DHX32: variants seen among roughly 807,000 people sequenced by gnomAD.
DHX32 encodes DEAH-box helicase 32 (putative), also known as putative pre-mRNA-splicing factor ATP-dependent RNA helicase DHX32.
Under a neutral mutation model 70.0 loss-of-function variants are expected in DHX32, and 51 were observed. The observed-to-expected ratio is 0.73, with a 90% CI of 0.58 to 0.92. The LOEUF (loss-of-function observed/expected upper bound fraction) is 0.92. Among genes scored for constraint, DHX32 ranks in the 40% least tolerant of loss-of-function variants. DHX32 has a pLI of 0.00. For synonymous variants in DHX32, 310 were observed against 315.3 expected (o/e 0.98, Z 0.18); for missense variants, 762 against 891.8 (o/e 0.85, Z 1.85).
chr10:125,884,789 GT>G (rs141526130), upstream of DHX32, among the ~76,000 whole-genome samples: 83 of 147,688 alleles, frequency 5.6e-4, 2 homozygotes, highest in South Asian at 1.9e-3. Context: ...TCTTTTGTGT[GT>G]TTTTTTTTTC....
rs1360270470 is a variant in DHX32 at position 125,841,775 on chromosome 10, T to C, written c.1511A>G (p.Asp504Gly). The C allele has an allele frequency of 4.3e-6, 7 of 1,612,578 alleles. No individual in the cohort carries two copies. The highest frequency in any genetic ancestry group is 1.3e-5 in the African/African-American group (1 of 74,854). Residue 504 changes from aspartate (D) to glycine (G), a missense_variant, in exon 7 of 11, where the codon GAT becomes GGT. Physicochemically the swap from Asp to Gly is moderately conservative, Grantham distance 94. Around this residue, in one of 3 missense-constraint regions of DHX32, gnomAD observed 366 missense variants for 402.6 expected, o/e 0.91. Transcript: ENST00000284690. ...ILASCEFDCV[D>G]EVLTIAAMVT... ...CATGGCTGCGATTGTTAGCACTTCA[T>C]CTACACAGTCAAATTCACAGGACGC... is the stretch of plus-strand genomic sequence containing the variant.
chr10:125,888,766 TA>T (rs1944353732), intron 1 of DHX32, among the ~76,000 whole-genome samples: 1 of 148,504 alleles, frequency 6.7e-6, no homozygotes. Flanking sequence ...TAAAAGGTAT[TA>T]ATTCTGTCCT....
At chr10:125,881,993 A>C (rs1226789131), upstream of DHX32, among the ~76,000 whole-genome samples, 1 of 152,202 alleles carries the variant, frequency 6.6e-6, no homozygotes. Context: ...AGAAATCTCT[A>C]GCATATTTCT....
Position 125,836,613 on chromosome 10 carries a change from G to C in DHX32, c.*74C>G. The C allele has an allele frequency of 6.5e-7, 1 of 1,537,946 alleles. No individual in the cohort carries two copies. The highest frequency in any genetic ancestry group is 8.8e-7 in the Non-Finnish European group (1 of 1,134,506). The stretch of plus-strand genomic sequence containing the variant: ...GATGTGAAATCCGTCTTCGCGTCAT[G>C]TATCTCCCATATCCAGCAGTTCAGC... On this transcript the variant is annotated 3_prime_UTR_variant, in exon 11 of 11. Coordinates refer to ENST00000284690, the MANE Select transcript of DHX32 (RefSeq NM_018180.3).
intron 3 of DHX32, among the ~76,000 whole-genome samples, chr10:125,855,610 G>A (rs963523909): frequency 4.0e-5 from 6 of 151,750 alleles, no homozygotes; most frequent in Non-Finnish European, 8.8e-5. Flanking sequence ...CACCATGGCC[G>A]GCTAATTTTT....
intron 1 of DHX32, among the ~76,000 whole-genome samples, chr10:125,872,104 C>T (rs984576102): frequency 5.9e-5 from 9 of 152,176 alleles, no homozygotes; most frequent in Admixed American, 1.3e-4. Context: ...TCAGGTGATC[C>T]GCCCGCCTCG....
chr10:125,848,300 G>T (rs1262518087), intron 6 of DHX32, among the ~76,000 whole-genome samples: 1 of 152,180 alleles, frequency 6.6e-6, no homozygotes, highest in African/African-American at 2.4e-5. Context: ...ACAGGGACAT[G>T]TTCCCAAAAC....
chr10:125,854,499 A>G (rs1167521296), intron 3 of DHX32: 4 of 242,588 alleles, frequency 1.6e-5, no homozygotes, highest in Non-Finnish European at 3.2e-5. Flanking sequence ...TTACAGCTCA[A>G]TTCCATTCTC....
chr10:125,842,149 C>T (rs1439728582), intron 6 of DHX32: 4 of 620,022 alleles, frequency 6.5e-6, no homozygotes, highest in East Asian at 3.6e-5. Context: ...GCTCATGCTC[C>T]GAGGAGGGTC....
At position 125,866,416 on chromosome 10, in the gene DHX32, A is replaced by T. The variant is rs772639244; in HGVS notation, c.476+574T>A. Among the ~76,000 whole-genome samples, 1 of 152,236 alleles carries T rather than the reference A, an allele frequency of 6.6e-6. No individual in the cohort carries two copies. Among genetic ancestry groups the T allele is most frequent in the Non-Finnish European group, 1.5e-5 (1 of 68,030 alleles). ...TGGAACATAGAAGACTCTGCAAAGCACAGTTTGAGAAACACTGTCGAAGCT... is the reference window on the plus strand; with the variant it reads ...TGGAACATAGAAGACTCTGCAAAGCTCAGTTTGAGAAACACTGTCGAAGCT... On this transcript the variant is annotated intron_variant, in intron 2 of 10. Coordinates refer to ENST00000284690, the MANE Select transcript of DHX32 (RefSeq NM_018180.3). This position sits in a 1 kb window ranked among gnomAD's most constrained non-coding sequence, Gnocchi z 4.8.
intron 1 of DHX32, among the ~76,000 whole-genome samples, chr10:125,895,809 G>C (rs374668085): frequency 1.9e-5 from 2 of 106,320 alleles, no homozygotes; most frequent in Non-Finnish European, 2.1e-5. Flanking sequence ...GGGATGACGG[G>C]GCAAAGCCGG....
chr10:125,841,267 C>A (rs1268206388), intron 7 of DHX32: 2 of 1,614,030 alleles, frequency 1.2e-6, no homozygotes, highest in Non-Finnish European at 1.7e-6. Flanking sequence ...GCAGGGAAAA[C>A]CTGAGGTGCT....
rs560809468 is a variant in DHX32 at position 125,887,046 on chromosome 10, G to A, written c.-247-5975C>T. ...CAGTGGGTGACTAATTAATAATTAC[G>A]GGCTGAGTAAATAGTGAATGAGTCA... On this transcript the variant is annotated intron_variant, in intron 1 of 2. Transcript: ENST00000415732. 1.0e-3 allele frequency among the ~76,000 whole-genome samples: 158 copies of A among 152,326 alleles called. 1 individual carries two copies. Among genetic ancestry groups the A allele is most frequent in the Middle Eastern group, 3.4e-3 (1 of 294 alleles).
upstream of DHX32, among the ~76,000 whole-genome samples, chr10:125,885,100 C>T (rs1188835414): frequency 1.3e-5 from 2 of 152,104 alleles, no homozygotes; most frequent in East Asian, 1.9e-4. Context: ...AGACTTTACA[C>T]GCCTGCAACT....
chr10:125,885,496 A>G (rs181744976), upstream of DHX32, among the ~76,000 whole-genome samples: 44 of 152,200 alleles, frequency 2.9e-4, no homozygotes, highest in African/African-American at 9.9e-4. Context: ...GAGAGATGCA[A>G]TGTTGTGGGC....
chr10:125,889,964 G>A (rs1360105254), intron 1 of DHX32, among the ~76,000 whole-genome samples: 5 of 151,880 alleles, frequency 3.3e-5, no homozygotes, highest in African/African-American at 9.7e-5. Context: ...GGTGCTTAAA[G>A]TCAGGCAGTA....
intron 4 of DHX32, chr10:125,853,312 T>C (rs1489579119): frequency 2.3e-6 from 2 of 854,762 alleles, no homozygotes; most frequent in African/African-American, 1.7e-5. Flanking sequence ...CTAGTAATGG[T>C]AAATTAGTCA....
Position 125,841,008 on chromosome 10 carries a change from A to G in DHX32, c.1544-12T>C. 6.3e-7 allele frequency: 1 copy of G among 1,592,584 alleles called. No individual in the cohort carries two copies. Among genetic ancestry groups the G allele is most frequent in the South Asian group, 1.1e-5 (1 of 89,522 alleles). Reference sequence around the variant, plus strand: ...AAAGCAATTTGGAGCTTCAAAATGAAAAAGGTCACATGGTTAGCAATAATG... The same window carrying G: ...AAAGCAATTTGGAGCTTCAAAATGAGAAAGGTCACATGGTTAGCAATAATG... On this transcript the variant is annotated splice_polypyrimidine_tract_variant and intron_variant, in intron 7 of 10. Coordinates refer to ENST00000284690, the MANE Select transcript of DHX32 (RefSeq NM_018180.3).
rs749399718 is a variant in DHX32, at chr10:125,838,988, C to T, written c.1881+13G>A. Reference sequence around the variant, plus strand: ...AGCAGAGCCTATGCTGAGGTGACCCCACCCCTTCTCACCTGCATAAAGTAA... The same window carrying T: ...AGCAGAGCCTATGCTGAGGTGACCCTACCCCTTCTCACCTGCATAAAGTAA... On this transcript the variant is annotated intron_variant, in intron 9 of 10. Transcript: ENST00000284690. 1.2e-6 allele frequency: 2 copies of T among 1,610,982 alleles called. No individual in the cohort carries two copies. Among genetic ancestry groups the T allele is most frequent in the Non-Finnish European group, 1.7e-6 (2 of 1,177,960 alleles).
Sources: allele counts gnomAD v4.1 joint callset (sites outside exome capture counted in the v4.1 genomes callset), GRCh38; gene constraint gnomAD v4.1.1; regional missense constraint gnomAD v4.1.1; non-coding constraint Gnocchi (gnomAD v3.1); transcripts MANE v1.5; gene names NCBI Gene and HGNC (gene_info 2026-07-23, HGNC 2026-07-21).